SLC24A2: variants seen among roughly 807,000 people sequenced by gnomAD.
SLC24A2 encodes sodium/potassium/calcium exchanger 2.
SLC24A2 carries 36 observed loss-of-function variants against 62.0 expected under a neutral mutation model. The ratio of observed to expected loss-of-function variants is 0.58; its 90% confidence interval spans 0.44 to 0.77. The LOEUF is 0.77. Ranked by LOEUF, SLC24A2 falls within the 30% of genes least tolerant of loss-of-function variation. SLC24A2 has a pLI of 0.00. For synonymous variants in SLC24A2, 358 were observed against 294.0 expected (o/e 1.22, Z -2.23); for missense variants, 846 against 817.9 (o/e 1.03, Z -0.42).
the SLC24A2 span, among the ~76,000 whole-genome samples, chr9:19,892,319 T>A: frequency 6.6e-6 from 1 of 152,232 alleles, no homozygotes. Flanking sequence ...TATTTTGTTA[T>A]TTTTCTATAA....
intron 2 of SLC24A2, among the ~76,000 whole-genome samples, chr9:19,780,197 T>C (rs1285644938): frequency 1.3e-5 from 2 of 152,218 alleles, no homozygotes; most frequent in Admixed American, 6.5e-5. Flanking sequence ...TTAGGTTGTT[T>C]AGCTGGAGCG....
intron 6 of SLC24A2, 47 bp from the exon 7 acceptor site, chr9:19,573,516 A>G: frequency 2.6e-6 from 1 of 381,048 alleles, no homozygotes; most frequent in Admixed American, 4.4e-5. Flanking sequence ...ACACACACAC[A>G]CACACACACA....
chr9:19,517,224 G>T (rs1363434314), intron 10 of SLC24A2, among the ~76,000 whole-genome samples: 1 of 152,144 alleles, frequency 6.6e-6, no homozygotes, highest in African/African-American at 2.4e-5. Context: ...GGAAGTGCAA[G>T]GCTCAGGGAA....
At chr9:19,761,679 T>C (rs1037783595) in intron 2 of SLC24A2, among the ~76,000 whole-genome samples, 2 of 151,922 alleles carry the variant, frequency 1.3e-5, no homozygotes, top group African/African-American at 4.8e-5. Flanking sequence ...CCCCTTCCTA[T>C]GTCCACGTGT....
intron 2 of SLC24A2, among the ~76,000 whole-genome samples, chr9:19,706,571 G>A (rs1382055409): frequency 1.3e-5 from 2 of 151,918 alleles, no homozygotes; most frequent in Non-Finnish European, 2.9e-5. Flanking sequence ...GTAGAGACGG[G>A]GTTTCACCGT....
chr9:20,224,211 C>A, the SLC24A2 span, among the ~76,000 whole-genome samples: 1 of 151,784 alleles, frequency 6.6e-6, no homozygotes, highest in African/African-American at 2.4e-5. Flanking sequence ...ATGAATAAAG[C>A]TCTAAATATG....
chr9:19,883,940 C>A, the SLC24A2 span, among the ~76,000 whole-genome samples: 2 of 152,174 alleles, frequency 1.3e-5, no homozygotes, highest in African/African-American at 4.8e-5. Flanking sequence ...GTAAAAGGTG[C>A]TACTTATTCT....
the SLC24A2 span, among the ~76,000 whole-genome samples, chr9:19,893,743 G>A: frequency 4.0e-5 from 6 of 150,752 alleles, no homozygotes; most frequent in Non-Finnish European, 7.4e-5. Context: ...CAAGTGACAG[G>A]AACACAAGAT....
At chr9:19,854,518 G>GAATGAGAACAAAGA in the SLC24A2 span, among the ~76,000 whole-genome samples, 1 of 152,154 alleles carries the variant, frequency 6.6e-6, no homozygotes, top group African/African-American at 2.4e-5. Flanking sequence ...TAGTTTCAAA[G>GAATGAGAACAAAGA]AACTTCTTGA....
chr9:19,609,772 C>T (rs1378005374), intron 4 of SLC24A2, among the ~76,000 whole-genome samples: 2 of 152,098 alleles, frequency 1.3e-5, no homozygotes, highest in African/African-American at 4.8e-5. Flanking sequence ...GACAATTTTT[C>T]CATGGGTGGG....
In SLC24A2 at chr9:19,619,585, T is replaced by C; in HGVS notation, c.1077A>G (p.Glu359=). Residue 359 remains glutamate, a splice_region_variant and synonymous_variant, in exon 4 of 11, where the codon GAA becomes GAG. Coordinates refer to ENST00000341998, the MANE Select transcript of SLC24A2 (RefSeq NM_020344.4). ...LMIHTLDPLA[E]ELGSYGKLKY... is the part of the protein sequence containing the mutation. ...CCCAAACCAAAGCTTGATGTTTACC[T>C]TCGGCGAGTGGGTCAAGGGTGTGTA... 6.2e-7 allele frequency: 1 copy of C among 1,611,026 alleles called. No individual in the cohort carries two copies.
At chr9:19,721,322 CT>C (rs1821019273) in intron 2 of SLC24A2, among the ~76,000 whole-genome samples, 1 of 152,146 alleles carries the variant, frequency 6.6e-6, no homozygotes, top group Admixed American at 6.5e-5. Flanking sequence ...TACAGTAACC[CT>C]TTTCATCATA....
intron 2 of SLC24A2, among the ~76,000 whole-genome samples, chr9:19,739,054 T>C (rs772165901): frequency 6.6e-6 from 1 of 152,128 alleles, no homozygotes. Context: ...AAGGTGGAGG[T>C]TGCAGTGAGC....
the SLC24A2 span, among the ~76,000 whole-genome samples, chr9:20,122,175 CA>C: frequency 6.6e-6 from 1 of 152,190 alleles, no homozygotes; most frequent in Non-Finnish European, 1.5e-5. Context: ...ACAGTGTTAG[CA>C]GAGCATTTAA....
intron 8 of SLC24A2, among the ~76,000 whole-genome samples, chr9:19,535,658 A>G (rs201652847): frequency 3.3e-5 from 5 of 152,054 alleles, no homozygotes; most frequent in Non-Finnish European, 7.4e-5. Flanking sequence ...AGATTAGATG[A>G]TTGTAGATGT....
chr9:20,031,569 T>C, the SLC24A2 span, among the ~76,000 whole-genome samples: 1 of 152,074 alleles, frequency 6.6e-6, no homozygotes, highest in African/African-American at 2.4e-5. Flanking sequence ...GGATGTACTT[T>C]TTTAAAAAAA....
At chr9:20,178,136 G>A in the SLC24A2 span, among the ~76,000 whole-genome samples, 21 of 152,206 alleles carry the variant, frequency 1.4e-4, no homozygotes, top group African/African-American at 4.8e-4. Context: ...TACAAGTACA[G>A]GTAAAAAGGT....
At chr9:19,601,419 G>A (rs1349331748) in intron 4 of SLC24A2, among the ~76,000 whole-genome samples, 1 of 152,168 alleles carries the variant, frequency 6.6e-6, no homozygotes, top group East Asian at 1.9e-4. Flanking sequence ...CCTTGCTGTG[G>A]AAGCTTTGTT....
intron 5 of SLC24A2, among the ~76,000 whole-genome samples, chr9:19,594,993 C>CT (rs1331497010): frequency 1.3e-5 from 2 of 152,122 alleles, no homozygotes; most frequent in South Asian, 4.1e-4. Flanking sequence ...CCAAAATATT[C>CT]TTTTTTCTAG....
Sources: gnomAD v4.1 joint callset for allele counts (sites outside exome capture counted in the v4.1 genomes callset) on GRCh38, gnomAD v4.1.1 for gene constraint, MANE v1.5 for transcripts, NCBI Gene and HGNC (gene_info 2026-07-23, HGNC 2026-07-21) for gene names.